CHFR: variants seen among roughly 807,000 people sequenced by gnomAD.
CHFR encodes checkpoint with forkhead and ring finger domains, also known as E3 ubiquitin-protein ligase CHFR.
In CHFR, 57 loss-of-function variants were observed where a neutral mutation model predicts 87.6. That is an observed-to-expected ratio of 0.65 (90% CI 0.53 to 0.81). The LOEUF is 0.81. Among genes scored for constraint, CHFR ranks in the 30% least tolerant of loss-of-function variants. The probability of loss-of-function intolerance (pLI) is 0.00; values close to 1 mark genes in which losing one functional copy is unlikely to be tolerated. For missense variants in CHFR, 797 were observed against 865.8 expected, an observed-to-expected ratio of 0.92 and a Z score of 1.00; for synonymous variants, 381 against 359.2, an observed-to-expected ratio of 1.06 and a Z score of -0.69.
chr12:132,862,844 TG>T (rs1951247488), intron 6 of CHFR, among the ~76,000 whole-genome samples: 1 of 150,848 alleles, frequency 6.6e-6, no homozygotes, highest in African/African-American at 2.4e-5. Flanking sequence ...CCTCCCAAAG[TG>T]CTGGGATTAA....
intron 9 of CHFR, 53 bp downstream of exon 9, chr12:132,857,352 G>C (rs776171609): frequency 1.1e-5 from 18 of 1,585,128 alleles, no homozygotes; most frequent in Non-Finnish European, 1.6e-5. Context: ...CTGGGTGGTG[G>C]TGGAGGGACC....
intron 12 of CHFR, 72 bp from the exon 13 acceptor site, chr12:132,848,796 G>T: frequency 1.8e-6 from 2 of 1,140,482 alleles, no homozygotes; most frequent in Non-Finnish European, 2.6e-6. Context: ...GTCAGCACCA[G>T]GCTCAGGAGC....
Position 132,844,125 on chromosome 12 carries a change from ACT to A in CHFR, c.1743_1744del (p.Arg581SerfsTer18), listed in dbSNP as rs1950758380. 1 of 1,611,218 alleles carries A rather than the reference ACT, an allele frequency of 6.2e-7. No homozygotes were observed. Among genetic ancestry groups the A allele is most frequent in the Non-Finnish European group, 8.5e-7 (1 of 1,177,958 alleles). On this transcript the variant is annotated frameshift_variant, in exon 16 of 18. Transcript: ENST00000450056. LOFTEE classifies it high-confidence loss of function. Reference sequence around the variant, plus strand: ...GTAACACAGAACGGTGTCTCCCGTGACTCTGTAATCTGGAAGAAACACAGCCA... The same window carrying A: ...GTAACACAGAACGGTGTCTCCCGTGACTGTAATCTGGAAGAAACACAGCCA...
At position 132,879,494 on chromosome 12, in the gene CHFR, G is replaced by A. The variant is rs576384308; in HGVS notation, c.134-1840C>T. On this transcript the variant is annotated intron_variant, in intron 2 of 17. Transcript: ENST00000450056. ...CAACCTCTGCCTCCCGGGTTCAAGC[G>A]ATTCTCCTGCCTCAGCCTCCTGAGT... 5.4e-5 allele frequency among the ~76,000 whole-genome samples: 8 copies of A among 149,404 alleles called. No homozygotes were observed. The South Asian group carries it at 8.6e-4, about 16-fold the overall frequency.
At chr12:132,871,075 T>C (rs1462176089) in intron 4 of CHFR, among the ~76,000 whole-genome samples, 1 of 152,244 alleles carries the variant, frequency 6.6e-6, no homozygotes. Context: ...GATCCTTCCG[T>C]GTGGCCAGGG....
chr12:132,880,601 T>C (rs1025047017), intron 2 of CHFR, among the ~76,000 whole-genome samples: 10 of 149,530 alleles, frequency 6.7e-5, no homozygotes, highest in Admixed American at 4.7e-4. Context: ...GAGCTTGCAG[T>C]GAGCCAAGAT....
chr12:132,853,672 G>A (rs143653967), intron 10 of CHFR, 99 bp from the exon 11 acceptor site: 87 of 1,358,530 alleles, frequency 6.4e-5, no homozygotes, highest in Non-Finnish European at 7.9e-5. Context: ...CAGCTCCACC[G>A]TCGCTCAGCT....
At chr12:132,874,402 A>C (rs1951567904) in intron 3 of CHFR, among the ~76,000 whole-genome samples, 1 of 144,088 alleles carries the variant, frequency 6.9e-6, no homozygotes, top group Non-Finnish European at 1.5e-5. Flanking sequence ...ACAGGTAGAA[A>C]GGCCCAGGAC....
rs1950692858 is a variant in CHFR at position 132,840,807 on chromosome 12, G to C, written c.*747C>G. 1.3e-5 allele frequency: 2 copies of C among 152,420 alleles called. 1 individual carries two copies. Among genetic ancestry groups the C allele is most frequent in the South Asian group, 4.1e-4 (2 of 4,834 alleles). The allele number at this position is 152,420 out of a possible 1,614,324, so 9.4% of individuals were successfully genotyped here. On this transcript the variant is annotated 3_prime_UTR_variant, in exon 18 of 18. Coordinates refer to ENST00000450056, the MANE Select transcript of CHFR (RefSeq NM_001161346.2). ...CTCACACAAGGGAGCAGCATGTCCT[G>C]GGACCTGCGTCCAGCCCCAGGCTCG...
At position 132,887,332 on chromosome 12, in the gene CHFR, G is replaced by T. The variant is rs756050840; in HGVS notation, c.-4C>A. 3 of 1,458,482 alleles carry T rather than the reference G, an allele frequency of 2.1e-6. No homozygotes were observed. The highest frequency in any genetic ancestry group is 2.7e-6 in the Non-Finnish European group (3 of 1,111,096). 90.3% of individuals were successfully genotyped at this position (1,458,482 alleles called of 1,614,324 possible). On this transcript the variant is annotated 5_prime_UTR_variant, in exon 2 of 18. Coordinates refer to ENST00000450056, the MANE Select transcript of CHFR (RefSeq NM_001161346.2). ...TGCCTTCCTCGGGCCGCTCCATCGG[G>T]ATTCACATCTGCGGAGACCCCGGAA...
At chr12:132,859,300 C>A in intron 7 of CHFR, 73 bp from the exon 8 acceptor site, 2 of 1,417,064 alleles carry the variant, frequency 1.4e-6, no homozygotes, top group African/African-American at 1.4e-5. Flanking sequence ...AGGTCCCCGT[C>A]CACAGGAGAA....
Position 132,857,474 on chromosome 12 carries a change from G to A in CHFR, c.997C>T (p.Pro333Ser), listed in dbSNP as rs571101753. The A allele has an allele frequency of 5.6e-6, 9 of 1,614,200 alleles. No individual in the cohort carries two copies. The East Asian group carries it at 1.8e-4, about 32-fold the overall frequency. ...RSSLCPTCRC[P>S]VERICKNHIL... is the part of the protein sequence containing the mutation. ...TGGTTTTTACAGATCCGCTCCACGG[G>A]ACAGCGGCAGGTAGGACACAGGGAC... Residue 333 changes from proline (P) to serine (S), a missense_variant, in exon 9 of 18, where the codon CCC becomes TCC. By Grantham distance (74) the Pro-to-Ser change is moderately conservative. Coordinates refer to ENST00000450056, the MANE Select transcript of CHFR (RefSeq NM_001161346.2).
chr12:132,857,777 C>T (rs1183390936), intron 8 of CHFR, among the ~76,000 whole-genome samples: 1 of 152,222 alleles, frequency 6.6e-6, no homozygotes, highest in Non-Finnish European at 1.5e-5. Context: ...ATTATGACTT[C>T]AGGAACACAA....
chr12:132,883,724 A>G (rs972898610), intron 2 of CHFR, among the ~76,000 whole-genome samples: 5 of 152,152 alleles, frequency 3.3e-5, no homozygotes, highest in African/African-American at 7.2e-5. Flanking sequence ...CTTTGGGAAA[A>G]CAAGGTTGTT....
chr12:132,841,724 T>A (rs1593437899), intron 17 of CHFR, 128 bp from the exon 18 acceptor site: 1 of 775,320 alleles, frequency 1.3e-6, no homozygotes, highest in Admixed American at 1.9e-5. Context: ...AAGAGCTACC[T>A]GAGAAAGAGT....
intron 3 of CHFR, among the ~76,000 whole-genome samples, chr12:132,872,615 C>T (rs1374626081): frequency 6.6e-6 from 1 of 152,184 alleles, no homozygotes; most frequent in African/African-American, 2.4e-5. Context: ...CCAGCCACTA[C>T]ACCTCCTCAC....
chr12:132,841,904 C>T (rs574910668), intron 17 of CHFR, among the ~76,000 whole-genome samples: 2 of 152,064 alleles, frequency 1.3e-5, no homozygotes, highest in East Asian at 3.9e-4. Flanking sequence ...GTCAGGAGTT[C>T]GAGACCAGCC....
chr12:132,877,427 G>A lies in CHFR; in HGVS notation c.233+128C>T, dbSNP rs1348994938. On this transcript the variant is annotated intron_variant, in intron 3 of 17. Transcript: ENST00000450056. ...CACATGACTGTGCTGTTATAAAAAT[G>A]AGCCGCTGTTATCACACTAAAGACA... 5 of 548,798 alleles carry A rather than the reference G, an allele frequency of 9.1e-6. No homozygotes were observed. In the East Asian group the frequency reaches 1.6e-4, roughly 17 times the overall value. The allele number at this position is 548,798 out of a possible 1,614,324, so 34.0% of individuals were successfully genotyped here.
intron 3 of CHFR, among the ~76,000 whole-genome samples, chr12:132,874,458 C>A (rs1951570368): frequency 6.6e-6 from 1 of 151,102 alleles, no homozygotes; most frequent in Admixed American, 6.6e-5. Context: ...GGCGGGAAGG[C>A]CCAGGACCAG....
Sources: gnomAD v4.1 joint callset for allele counts (sites outside exome capture counted in the v4.1 genomes callset) on GRCh38, gnomAD v4.1.1 for gene constraint, MANE v1.5 for transcripts, NCBI Gene and HGNC (gene_info 2026-07-23, HGNC 2026-07-21) for gene names.